CSMD3: variants seen among roughly 807,000 people sequenced by gnomAD.
CSMD3 encodes CUB and sushi domain-containing protein 3.
CSMD3 carries 177 observed loss-of-function variants against 435.2 expected under a neutral mutation model. The ratio of observed to expected loss-of-function variants is 0.41; its 90% CI spans 0.36 to 0.46. The LOEUF (loss-of-function observed/expected upper bound fraction) is 0.46. Ranked by LOEUF, CSMD3 falls within the 20% of genes least tolerant of loss-of-function variation. CSMD3 has a pLI of 0.34. For synonymous variants in CSMD3, 1,656 were observed against 1,520.5 expected (o/e 1.09, Z -2.07); for missense variants, 4,265 against 4,504.6 (o/e 0.95, Z 1.52).
At chr8:113,153,004 A>G (rs1007771156) in intron 4 of CSMD3, among the ~76,000 whole-genome samples, 8 of 150,882 alleles carry the variant, frequency 5.3e-5, no homozygotes, top group African/African-American at 1.5e-4. Flanking sequence ...ACAAAAGAAT[A>G]CAAAAGGAAA....
At chr8:113,006,722 AT>A (rs2086070874) in intron 6 of CSMD3, among the ~76,000 whole-genome samples, 1 of 151,912 alleles carries the variant, frequency 6.6e-6, no homozygotes, top group South Asian at 2.1e-4. Flanking sequence ...AAATGAGGTC[AT>A]TTGGGGTCTA....
intron 2 of CSMD3, among the ~76,000 whole-genome samples, chr8:113,307,990 G>C (rs1464705606): frequency 2.0e-5 from 3 of 152,024 alleles, no homozygotes; most frequent in African/African-American, 7.2e-5. Flanking sequence ...CAGAATGAGA[G>C]CTTTAAAAAG....
chr8:113,101,299 G>A (rs1387625516), intron 4 of CSMD3, among the ~76,000 whole-genome samples: 1 of 151,902 alleles, frequency 6.6e-6, no homozygotes, highest in Non-Finnish European at 1.5e-5. Flanking sequence ...TGGCCTCTTG[G>A]ACAGCATGTA....
intron 1 of CSMD3, among the ~76,000 whole-genome samples, chr8:113,423,646 G>A (rs1290882037): frequency 6.6e-6 from 1 of 151,918 alleles, no homozygotes; most frequent in Non-Finnish European, 1.5e-5. Flanking sequence ...AAATGCTGAT[G>A]TTGGGATATT....
chr8:113,378,224 T>C (rs2094398091), intron 1 of CSMD3, among the ~76,000 whole-genome samples: 1 of 152,202 alleles, frequency 6.6e-6, no homozygotes, highest in South Asian at 2.1e-4. Flanking sequence ...TGGTGTAATG[T>C]GAAGATCCTG....
chr8:112,261,370 A>T (rs986675895), intron 61 of CSMD3, among the ~76,000 whole-genome samples: 5 of 152,112 alleles, frequency 3.3e-5, no homozygotes, highest in Non-Finnish European at 5.9e-5. Flanking sequence ...AACTTTAACA[A>T]TTGATAATTG....
chr8:113,266,387 A>G (rs1208162728), intron 3 of CSMD3, among the ~76,000 whole-genome samples: 1 of 151,268 alleles, frequency 6.6e-6, no homozygotes, highest in Non-Finnish European at 1.5e-5. Context: ...GTTTTAATAT[A>G]CATTCTTGTT....
intron 25 of CSMD3, among the ~76,000 whole-genome samples, chr8:112,553,052 T>C (rs967804291): frequency 9.9e-5 from 15 of 152,258 alleles, no homozygotes; most frequent in African/African-American, 3.6e-4. Context: ...AGATGGCAAG[T>C]TGCTCACTGC....
At chr8:113,394,134 A>G (rs1223492576) in intron 1 of CSMD3, among the ~76,000 whole-genome samples, 2 of 147,334 alleles carry the variant, frequency 1.4e-5, no homozygotes, top group African/African-American at 5.1e-5. Context: ...CTGGGTACTA[A>G]AAAAACTCTA....
At position 112,539,923 on chromosome 8, in the gene CSMD3, T is replaced by C. The variant is rs570210577; in HGVS notation, c.4564+10748A>G. Among the ~76,000 whole-genome samples the C allele has an allele frequency of 1.6e-4, 24 of 152,120 alleles. No homozygotes were observed. In the East Asian group the frequency reaches 3.7e-3, roughly 23 times the overall value. ...TGTGATTATATCAAACTAAACAGCT[T>C]CTGTAAAGCAAAGTAAACAATCAAC... On this transcript the variant is annotated intron_variant, in intron 27 of 70. Transcript: ENST00000297405.
chr8:112,784,318 A>T (rs1453844167), intron 13 of CSMD3, among the ~76,000 whole-genome samples: 4 of 152,044 alleles, frequency 2.6e-5, no homozygotes, highest in African/African-American at 9.6e-5. Flanking sequence ...ATAAGCTCCT[A>T]CATCAAAAGA....
chr8:112,954,289 T>C (rs1054797555), intron 8 of CSMD3, among the ~76,000 whole-genome samples: 2 of 151,554 alleles, frequency 1.3e-5, no homozygotes, highest in East Asian at 3.9e-4. Flanking sequence ...GTAATATTTC[T>C]TAGAAAAGCA....
rs2087738496 is a variant in CSMD3 at position 113,044,226 on chromosome 8, A to G, written c.918-25047T>C. On this transcript the variant is annotated intron_variant, in intron 5 of 70. Coordinates refer to ENST00000297405, the MANE Select transcript of CSMD3 (RefSeq NM_198123.2). ...GAGGATAGTTGGAAGTTTTACAAGC[A>G]CAAGACAGAACAGAACATCCTATTA... Among the ~76,000 whole-genome samples the G allele has an allele frequency of 2.6e-5, 4 of 152,102 alleles. No homozygotes were observed. The South Asian group carries it at 8.3e-4, about 31-fold the overall frequency.
chr8:112,667,403 A>C (rs1473511781), intron 16 of CSMD3, among the ~76,000 whole-genome samples: 1 of 151,872 alleles, frequency 6.6e-6, no homozygotes, highest in Non-Finnish European at 1.5e-5. Context: ...CCTCAAGCTC[A>C]CTCTTATTTC....
intron 50 of CSMD3, among the ~76,000 whole-genome samples, chr8:112,309,609 G>A (rs1821765824): frequency 1.3e-5 from 2 of 152,038 alleles, no homozygotes; most frequent in Admixed American, 1.3e-4. Flanking sequence ...TTATTAAAAT[G>A]TATCTATTCT....
At chr8:112,857,446 A>G (rs1219796412) in intron 11 of CSMD3, among the ~76,000 whole-genome samples, 1 of 151,812 alleles carries the variant, frequency 6.6e-6, no homozygotes, top group Non-Finnish European at 1.5e-5. Flanking sequence ...ACATGAGATA[A>G]TACCACATGT....
chr8:113,100,760 C>T (rs72685829), intron 4 of CSMD3, among the ~76,000 whole-genome samples: 2,912 of 152,232 alleles, frequency 0.019, 49 homozygotes, highest in Non-Finnish European at 0.027. Context: ...ATATACATTA[C>T]TTTTGTCTGT....
chr8:112,546,364 A>G (rs948876074), intron 27 of CSMD3, among the ~76,000 whole-genome samples: 1 of 152,212 alleles, frequency 6.6e-6, no homozygotes, highest in South Asian at 2.1e-4. Flanking sequence ...GTGAGTGGCT[A>G]GTCGACTGTT....
At chr8:112,425,090 T>G (rs920066109) in intron 32 of CSMD3, among the ~76,000 whole-genome samples, 3 of 152,352 alleles carry the variant, frequency 2.0e-5, no homozygotes, top group Admixed American at 1.3e-4. Context: ...TTGTTAAAAA[T>G]TCTTTACAGT....
Sources: allele counts gnomAD v4.1 joint callset (sites outside exome capture counted in the v4.1 genomes callset), GRCh38; gene constraint gnomAD v4.1.1; transcripts MANE v1.5; gene names NCBI Gene and HGNC (gene_info 2026-07-23, HGNC 2026-07-21).